ACOXL: variants seen among roughly 807,000 people sequenced by gnomAD.
ACOXL encodes the protein acyl-CoA oxidase like, also known as acyl-coenzyme A oxidase-like protein.
Under a neutral mutation model 71.9 loss-of-function variants are expected in ACOXL, and 70 were observed. The observed-to-expected ratio is 0.97, with a 90% CI of 0.80 to 1.19. The LOEUF (loss-of-function observed/expected upper bound fraction) is 1.19. ACOXL is among the 50% of genes most tolerant of loss of function. The pLI is 0.00. For synonymous variants in ACOXL, 253 were observed against 281.6 expected, an observed-to-expected ratio of 0.90 and a Z score of 1.02; for missense variants, 703 against 736.3, an observed-to-expected ratio of 0.95 and a Z score of 0.52.
chr2:110,826,322 A>G (rs1453562908), intron 9 of ACOXL, among the ~76,000 whole-genome samples: 1 of 152,204 alleles, frequency 6.6e-6, no homozygotes, highest in African/African-American at 2.4e-5. Context: ...CAAGATGCCA[A>G]TCCCAAATAT....
intron 10 of ACOXL, among the ~76,000 whole-genome samples, chr2:110,877,673 C>T (rs1363454444): frequency 6.6e-6 from 1 of 152,138 alleles, no homozygotes; most frequent in Non-Finnish European, 1.5e-5. Flanking sequence ...CTCAAAGTTA[C>T]AAAGGTCAGA....
intron 10 of ACOXL, among the ~76,000 whole-genome samples, chr2:110,872,289 C>A (rs1695374967): frequency 6.6e-6 from 1 of 152,198 alleles, no homozygotes; most frequent in Non-Finnish European, 1.5e-5. Flanking sequence ...AAGCCTGAGG[C>A]CCGTCAGGAT....
intron 10 of ACOXL, among the ~76,000 whole-genome samples, chr2:110,903,068 C>G (rs2059303449): frequency 6.6e-6 from 1 of 152,224 alleles, no homozygotes; most frequent in Non-Finnish European, 1.5e-5. Context: ...AGTTTGCACC[C>G]TAAGAAGTCT....
At chr2:110,836,969 T>C (rs1690542026) in intron 9 of ACOXL, among the ~76,000 whole-genome samples, 1 of 152,240 alleles carries the variant, frequency 6.6e-6, no homozygotes, top group African/African-American at 2.4e-5. Flanking sequence ...TTGAAAAATA[T>C]TCAAATTAGT....
At chr2:110,818,343 G>A (rs1342193750) in intron 9 of ACOXL, among the ~76,000 whole-genome samples, 2 of 147,462 alleles carry the variant, frequency 1.4e-5, no homozygotes, top group Non-Finnish European at 3.0e-5. Flanking sequence ...GCAGTGAGCC[G>A]AGATCGCACC....
chr2:111,016,078 A>G (rs577567494), intron 14 of ACOXL, among the ~76,000 whole-genome samples: 22 of 150,366 alleles, frequency 1.5e-4, no homozygotes, highest in Non-Finnish European at 2.7e-4. Context: ...GACTATGGGC[A>G]TGTCCCACCA....
chr2:110,744,454 C>T (rs1181082692), intron 1 of ACOXL, among the ~76,000 whole-genome samples: 1 of 152,174 alleles, frequency 6.6e-6, no homozygotes, highest in Non-Finnish European at 1.5e-5. Flanking sequence ...ACATTCCCTT[C>T]TCAAAGGAAT....
chr2:110,773,137 G>A (rs1307584094), intron 2 of ACOXL, among the ~76,000 whole-genome samples: 1 of 152,092 alleles, frequency 6.6e-6, no homozygotes, highest in Non-Finnish European at 1.5e-5. Flanking sequence ...AGATCAGAGG[G>A]GAACTAGTAG....
At chr2:110,965,654 T>C (rs758542536) in intron 12 of ACOXL, among the ~76,000 whole-genome samples, 1 of 152,146 alleles carries the variant, frequency 6.6e-6, no homozygotes, top group Non-Finnish European at 1.5e-5. Flanking sequence ...AAAAGGACAA[T>C]AGGGACTCCT....
intron 12 of ACOXL, among the ~76,000 whole-genome samples, chr2:110,934,288 C>T (rs945747763): frequency 7.9e-5 from 12 of 152,252 alleles, no homozygotes; most frequent in South Asian, 2.1e-4. Context: ...GGGCAGGACA[C>T]GCAGCATGAG....
intron 11 of ACOXL, among the ~76,000 whole-genome samples, chr2:110,931,345 A>G (rs2060472717): frequency 6.6e-6 from 1 of 152,092 alleles, no homozygotes; most frequent in Non-Finnish European, 1.5e-5. Context: ...ACCCCTGGGG[A>G]ATGGGGAGAG....
At chr2:111,111,488 TTGTC>T (rs1331631535) in intron 17 of ACOXL, among the ~76,000 whole-genome samples, 1 of 152,240 alleles carries the variant, frequency 6.6e-6, no homozygotes, top group Non-Finnish European at 1.5e-5. Context: ...GTAAATGCCT[TTGTC>T]TGTAGAAAAT....
At chr2:110,811,145 G>T (rs1420451074) in intron 9 of ACOXL, among the ~76,000 whole-genome samples, 1 of 152,186 alleles carries the variant, frequency 6.6e-6, no homozygotes, top group Non-Finnish European at 1.5e-5. Flanking sequence ...AGGGAGTTAT[G>T]GAATGTCCTA....
intron 15 of ACOXL, among the ~76,000 whole-genome samples, chr2:111,047,216 C>T (rs1194804788): frequency 6.6e-6 from 1 of 152,136 alleles, no homozygotes; most frequent in African/African-American, 2.4e-5. Flanking sequence ...TTCAAGGTAA[C>T]TTGAAGTGGG....
At chr2:110,897,169 A>G (rs1212241954) in intron 10 of ACOXL, among the ~76,000 whole-genome samples, 3 of 152,198 alleles carry the variant, frequency 2.0e-5, no homozygotes, top group East Asian at 3.8e-4. Flanking sequence ...TTTAAAAAAT[A>G]TGTTGAACTA....
chr2:110,744,474 A>C (rs1197971519), intron 1 of ACOXL, among the ~76,000 whole-genome samples: 1 of 152,178 alleles, frequency 6.6e-6, no homozygotes, highest in African/African-American at 2.4e-5. Flanking sequence ...TTTGAGGTGA[A>C]GAAAATGGTG....
chr2:110,740,369 G>T (rs1043196235), intron 1 of ACOXL, among the ~76,000 whole-genome samples: 2 of 152,208 alleles, frequency 1.3e-5, no homozygotes, highest in Non-Finnish European at 2.9e-5. Flanking sequence ...GAGATACTGT[G>T]TCAGGCCCTG....
intron 17 of ACOXL, among the ~76,000 whole-genome samples, chr2:111,116,180 G>A (rs932948519): frequency 6.6e-6 from 1 of 152,238 alleles, no homozygotes; most frequent in African/African-American, 2.4e-5. Flanking sequence ...GACGTTGAGA[G>A]TTGACAGATT....
intron 1 of ACOXL, among the ~76,000 whole-genome samples, chr2:110,766,596 G>A (rs925534333): frequency 4.6e-5 from 7 of 152,126 alleles, no homozygotes; most frequent in Non-Finnish European, 7.4e-5. Flanking sequence ...TGCTAATGAC[G>A]CCAGGGAAGG....
Sources: allele counts gnomAD v4.1 joint callset (sites outside exome capture counted in the v4.1 genomes callset), GRCh38; gene constraint gnomAD v4.1.1; transcripts MANE v1.5; gene names NCBI Gene and HGNC (gene_info 2026-07-23, HGNC 2026-07-21).